FXYD3: variants seen among roughly 807,000 people sequenced by gnomAD.
FXYD3 encodes the protein FXYD domain containing ion transport regulator 3.
A neutral mutation model predicts 19.2 loss-of-function variants in FXYD3; 13 were observed. The observed-to-expected ratio is 0.68, with a 90% CI of 0.44 to 1.08. The LOEUF (loss-of-function observed/expected upper bound fraction) is 1.08. Ranked by LOEUF, FXYD3 falls within the 50% of genes least tolerant of loss-of-function variation. The pLI, the probability that FXYD3 is intolerant of heterozygous loss-of-function variation, is 0.00. For missense variants in FXYD3, 101 were observed against 109.4 expected, an observed-to-expected ratio of 0.92 and a Z score of 0.34; for synonymous variants, 48 against 38.9, an observed-to-expected ratio of 1.23 and a Z score of -0.87.
At chr19:35,119,074 C>T in intron 2 of FXYD3, 1 of 842,456 alleles carries the variant, frequency 1.2e-6, no homozygotes, top group Non-Finnish European at 2.0e-6. Context: ...GTGAGGACAA[C>T]AGCGGGCAGT....
At chr19:35,117,124 C>T in intron 2 of FXYD3, 3 of 1,326,510 alleles carry the variant, frequency 2.3e-6, no homozygotes, top group East Asian at 6.2e-5. Context: ...CTCTAACCTG[C>T]TCACCAACCA....
chr19:35,120,470 C>T (rs975208513), intron 3 of FXYD3, among the ~76,000 whole-genome samples: 1 of 152,198 alleles, frequency 6.6e-6, no homozygotes, highest in African/African-American at 2.4e-5. Context: ...CAGCCTTGAC[C>T]TCCCAGGCTC....
chr19:35,123,114 G>T (rs2065085104), intron 7 of FXYD3, 157 bp from the exon 8 acceptor site: 3 of 1,462,948 alleles, frequency 2.1e-6, no homozygotes, highest in Non-Finnish European at 1.8e-6. Flanking sequence ...ATCCCCAGGG[G>T]GCCCCAAATC....
At position 35,122,785 on chromosome 19, in the gene FXYD3, G is replaced by C. The variant is rs35578165; in HGVS notation, c.118G>C (p.Gly40Arg). 1 of 1,613,720 alleles carries C rather than the reference G, an allele frequency of 6.2e-7. No individual in the cohort carries two copies. Among genetic ancestry groups the C allele is most frequent in the African/African-American group, 1.3e-5 (1 of 75,046 alleles). Residue 40 changes from glycine to arginine, a missense_variant, in exon 6 of 9, where the codon GGC becomes CGC. Transcript: ENST00000604404. ...CCTAGACTGGCACAGCCTCCAGGTT[G>C]GCGGGCTCATCTGCGCTGGGGTTCT... Reference protein sequence around the residue: ...FYYDWHSLQVGGLICAGVLCA... With the variant: ...FYYDWHSLQVRGLICAGVLCA...
rs1168958877 is a variant in FXYD3, at chr19:35,122,912, C to T, written c.173-6C>T. The T allele has an allele frequency of 3.7e-6, 6 of 1,610,844 alleles. No homozygotes were observed. The highest frequency in any genetic ancestry group is 5.1e-6 in the Non-Finnish European group (6 of 1,178,276). On this transcript the variant is annotated splice_region_variant and splice_polypyrimidine_tract_variant and intron_variant, in intron 6 of 8. Transcript: ENST00000604404. ...CCTCCCCTGACCACTCAGCTCTCCC[C>T]AACAGGTGCAAAATGCAAATGCAAG...
rs1023370052 is a variant in FXYD3, at chr19:35,123,234, G to A, written c.210-37G>A. 3 of 1,556,010 alleles carry A rather than the reference G, an allele frequency of 1.9e-6. No homozygotes were observed. The Admixed American group carries it at 5.6e-5, about 29-fold the overall frequency. ...TCTATCCGGAGGGAGAGGGCAAATG[G>A]GGGCGGACACCAATCTCACCACTTT... On this transcript the variant is annotated intron_variant, in intron 7 of 8. Coordinates refer to ENST00000604404, the MANE Select transcript of FXYD3 (RefSeq NM_005971.4).
intron 5 of FXYD3, chr19:35,121,532 G>A: frequency 7.1e-7 from 1 of 1,415,224 alleles, no homozygotes; most frequent in Non-Finnish European, 9.2e-7. Context: ...GTGTTGACTT[G>A]AGAAAACTTC....
At chr19:35,119,213 A>C (rs2064975809) in intron 2 of FXYD3, 150 bp from the exon 3 acceptor site, 3 of 1,591,678 alleles carry the variant, frequency 1.9e-6, no homozygotes, top group Non-Finnish European at 2.6e-6. Flanking sequence ...GCTGCGGCTT[A>C]TCTCTCAGCC....
chr19:35,122,051 G>C (rs2065054569), intron 5 of FXYD3, among the ~76,000 whole-genome samples: 1 of 152,058 alleles, frequency 6.6e-6, no homozygotes, highest in Non-Finnish European at 1.5e-5. Flanking sequence ...AGCTGGTCTA[G>C]AACTCCTGAA....
rs1363953742 is a variant in FXYD3, at chr19:35,122,771, A to G, written c.104A>G (p.His35Arg). Residue 35 changes from histidine to arginine, a missense_variant, in exon 6 of 9, where the codon CAC (histidine) becomes CGC (arginine). Physicochemically the swap from His to Arg is conservative, Grantham distance 29. Transcript: ENST00000604404. Reference sequence around the variant, plus strand: ...CCCTCCACTTTCCTCCTAGACTGGCACAGCCTCCAGGTTGGCGGGCTCATC... The same window carrying G: ...CCCTCCACTTTCCTCCTAGACTGGCGCAGCCTCCAGGTTGGCGGGCTCATC... ...DKNSPFYYDW[H>R]SLQVGGLICA... 5 of 1,613,150 alleles carry G rather than the reference A, an allele frequency of 3.1e-6. No homozygotes were observed. In the African/African-American group the frequency reaches 6.7e-5, roughly 22 times the overall value.
intron 5 of FXYD3, among the ~76,000 whole-genome samples, chr19:35,122,431 A>G (rs986028138): frequency 5.9e-5 from 9 of 152,222 alleles, no homozygotes; most frequent in African/African-American, 1.9e-4. Flanking sequence ...CTGGGATATC[A>G]GGCGTGAGCC....
intron 2 of FXYD3, 150 bp downstream of exon 2, chr19:35,116,509 A>C (rs2064888529): frequency 2.0e-6 from 2 of 985,536 alleles, no homozygotes; most frequent in Non-Finnish European, 2.4e-6. Flanking sequence ...CCAGGAGATA[A>C]ACGGAAGTCC....
At chr19:35,117,499 G>A (rs1205439398) in intron 2 of FXYD3, 3 of 933,700 alleles carry the variant, frequency 3.2e-6, no homozygotes, top group Non-Finnish European at 4.4e-6. Context: ...TGCAGAGATT[G>A]AGCGAGTAAG....
At chr19:35,119,758 A>C in intron 3 of FXYD3, 2 of 336,896 alleles carry the variant, frequency 5.9e-6, no homozygotes, top group East Asian at 6.4e-5. Context: ...ACAGCCTTGA[A>C]CTCCTGGGGT....
In FXYD3 at chr19:35,123,468, C is replaced by T. The variant is rs370549538; in HGVS notation, c.*11C>T. 1.2e-6 allele frequency: 2 copies of T among 1,613,862 alleles called. No homozygotes were observed. Among genetic ancestry groups the T allele is most frequent in the African/African-American group, 1.3e-5 (1 of 74,900 alleles). ...TCAGCCCAAAGCTGATGAGGACAGACCAGCTGAAATTGGGTGGAGGACCGT... is the reference window on the plus strand; with the variant it reads ...TCAGCCCAAAGCTGATGAGGACAGATCAGCTGAAATTGGGTGGAGGACCGT... On this transcript the variant is annotated 3_prime_UTR_variant, in exon 9 of 9. Coordinates refer to ENST00000604404, the MANE Select transcript of FXYD3 (RefSeq NM_005971.4).
At chr19:35,121,316 G>A in intron 5 of FXYD3, 71 bp downstream of exon 5, 1 of 1,614,150 alleles carries the variant, frequency 6.2e-7, no homozygotes, top group Non-Finnish European at 8.5e-7. Context: ...TTCCCATACA[G>A]GGTTGGGGCC....
intron 7 of FXYD3, 135 bp downstream of exon 7, chr19:35,123,089 T>A: frequency 6.9e-7 from 1 of 1,457,430 alleles, no homozygotes; most frequent in South Asian, 1.5e-5. Context: ...CCAGGTTTAT[T>A]GTTTCTAGCT....
At chr19:35,118,016 T>A (rs2064939504) in intron 2 of FXYD3, 1 of 152,244 alleles carries the variant, frequency 6.6e-6, no homozygotes, top group Non-Finnish European at 1.5e-5. Context: ...GCAAGGTCAG[T>A]GTGCACTCCA....
chr19:35,120,124 C>T (rs1221804512), intron 3 of FXYD3, among the ~76,000 whole-genome samples: 3 of 148,702 alleles, frequency 2.0e-5, no homozygotes, highest in African/African-American at 4.9e-5. Flanking sequence ...CTTCCAAACA[C>T]TTTTCCCTTT....
Sources: allele counts gnomAD v4.1 joint callset (sites outside exome capture counted in the v4.1 genomes callset), GRCh38; gene constraint gnomAD v4.1.1; transcripts MANE v1.5; gene names NCBI Gene and HGNC (gene_info 2026-07-23, HGNC 2026-07-21).